The following PDE10A variants were observed in gnomAD, a reference collection of about 807,000 sequenced individuals.
PDE10A encodes cAMP and cAMP-inhibited cGMP 3',5'-cyclic phosphodiesterase 10A.
A neutral mutation model predicts 97.7 loss-of-function variants in PDE10A; 39 were observed. The observed-to-expected ratio is 0.40, with a 90% CI of 0.31 to 0.52. The LOEUF (loss-of-function observed/expected upper bound fraction) is 0.52, where lower values mean the gene tolerates loss of function less well. Ranked by LOEUF, PDE10A falls within the 20% of genes least tolerant of loss-of-function variation. The pLI, the probability that PDE10A is intolerant of heterozygous loss-of-function variation, is 0.56. For missense variants in PDE10A, 731 were observed against 1,047.8 expected (o/e 0.70, Z 4.17); for synonymous variants, 371 against 376.8 (o/e 0.98, Z 0.18).
chr6:165,916,190 G>T (rs1173476797), intron 1 of PDE10A, among the ~76,000 whole-genome samples: 1 of 152,236 alleles, frequency 6.6e-6, no homozygotes, highest in Non-Finnish European at 1.5e-5. Flanking sequence ...ACTGATGCCA[G>T]TTCCTAATTT....
intron 2 of PDE10A, among the ~76,000 whole-genome samples, chr6:165,498,773 C>T (rs1303377925): frequency 6.6e-6 from 1 of 152,176 alleles, no homozygotes; most frequent in Non-Finnish European, 1.5e-5. Flanking sequence ...AAGTTCCTAG[C>T]TGTCTGCAAA....
intron 1 of PDE10A, among the ~76,000 whole-genome samples, chr6:165,675,947 G>A (rs1440243534): frequency 1.3e-5 from 2 of 152,144 alleles, no homozygotes; most frequent in South Asian, 2.1e-4. Flanking sequence ...TATGTTTATT[G>A]CAGGACTATT....
At chr6:165,694,369 A>T (rs1259722528) in intron 1 of PDE10A, among the ~76,000 whole-genome samples, 1 of 152,238 alleles carries the variant, frequency 6.6e-6, no homozygotes, top group Non-Finnish European at 1.5e-5. Context: ...CTGTAACTGA[A>T]GTGGGCTGCG....
intron 18 of PDE10A, among the ~76,000 whole-genome samples, chr6:165,374,496 G>A (rs1013390721): frequency 4.6e-5 from 7 of 151,802 alleles, no homozygotes; most frequent in Admixed American, 1.3e-4. Flanking sequence ...CAAAGTATAA[G>A]CAAAATTTAT....
chr6:165,475,442 G>A (rs890273698), intron 3 of PDE10A, among the ~76,000 whole-genome samples: 2 of 152,146 alleles, frequency 1.3e-5, no homozygotes, highest in Non-Finnish European at 2.9e-5. Flanking sequence ...GAGAAAAGCT[G>A]AATTAGTGAA....
intron 18 of PDE10A, among the ~76,000 whole-genome samples, chr6:165,355,247 C>T (rs1782953099): frequency 6.6e-6 from 1 of 152,132 alleles, no homozygotes; most frequent in Admixed American, 6.5e-5. Context: ...GAATGAAATG[C>T]ATAAATTTGA....
chr6:165,411,311 C>T (rs1233520653), intron 13 of PDE10A, among the ~76,000 whole-genome samples: 1 of 151,842 alleles, frequency 6.6e-6, no homozygotes, highest in African/African-American at 2.4e-5. Context: ...TAGAATGCAG[C>T]TGTATTTAGA....
chr6:165,930,178 G>A (rs190941448), intron 1 of PDE10A, among the ~76,000 whole-genome samples: 2 of 152,336 alleles, frequency 1.3e-5, no homozygotes, highest in Admixed American at 1.3e-4. Flanking sequence ...CAGGTGGGAA[G>A]GTTCACAGAT....
intron 1 of PDE10A, among the ~76,000 whole-genome samples, chr6:165,813,059 C>T (rs576014140): frequency 1.4e-3 from 217 of 152,222 alleles, no homozygotes; most frequent in African/African-American, 4.7e-3. Flanking sequence ...TGCAAAGTAG[C>T]GGTAGGCAGT....
At chr6:165,365,953 T>C (rs983116725) in intron 18 of PDE10A, among the ~76,000 whole-genome samples, 23 of 152,130 alleles carry the variant, frequency 1.5e-4, no homozygotes, top group Admixed American at 6.5e-5. Flanking sequence ...GAAAATTTTA[T>C]TTCCTCAGCC....
At chr6:165,664,557 G>T (rs943434251), upstream of PDE10A, among the ~76,000 whole-genome samples, 1 of 152,160 alleles carries the variant, frequency 6.6e-6, no homozygotes, top group Admixed American at 6.5e-5. Flanking sequence ...AGAAGAAAAT[G>T]ATTCCTGTGA....
At chr6:165,751,869 G>T (rs1186213395) in intron 1 of PDE10A, among the ~76,000 whole-genome samples, 1 of 152,050 alleles carries the variant, frequency 6.6e-6, no homozygotes, top group East Asian at 1.9e-4. Flanking sequence ...GCCAGGCACG[G>T]TGGCTCATGC....
chr6:165,795,781 A>T (rs1161207064), intron 1 of PDE10A, among the ~76,000 whole-genome samples: 1 of 152,030 alleles, frequency 6.6e-6, no homozygotes, highest in East Asian at 1.9e-4. Context: ...CTCGCAACTT[A>T]ATGTAGTGGC....
At chr6:165,389,486 C>G (rs1785532175) in intron 16 of PDE10A, among the ~76,000 whole-genome samples, 1 of 152,046 alleles carries the variant, frequency 6.6e-6, no homozygotes, top group African/African-American at 2.4e-5. Context: ...GAGGAGGGGT[C>G]AAGTATGACC....
chr6:165,388,058 C>T lies in PDE10A; in HGVS notation c.2610+240G>A, dbSNP rs1785428360. Among the ~76,000 whole-genome samples the T allele has an allele frequency of 6.6e-6, 1 of 152,062 alleles. No individual in the cohort carries two copies. The highest frequency in any genetic ancestry group is 6.5e-5 in the Admixed American group (1 of 15,272). Reference sequence around the variant, plus strand: ...ATTGCTTTAGGGTTACAGGTACTTACTGATATAATGTTTAAAAAACAAATG... The same window carrying T: ...ATTGCTTTAGGGTTACAGGTACTTATTGATATAATGTTTAAAAAACAAATG... On this transcript the variant is annotated intron_variant, in intron 17 of 21. Transcript: ENST00000539869. The surrounding 1 kb of genome is among the most constrained non-coding windows in gnomAD (Gnocchi z 4.0).
intron 1 of PDE10A, among the ~76,000 whole-genome samples, chr6:165,705,005 C>T (rs1367964964): frequency 1.3e-5 from 2 of 152,258 alleles, no homozygotes; most frequent in Non-Finnish European, 2.9e-5. Flanking sequence ...CACTGCAGAC[C>T]CTGCTGTCCC....
At chr6:165,438,426 G>A (rs975940235) in intron 5 of PDE10A, among the ~76,000 whole-genome samples, 3 of 152,148 alleles carry the variant, frequency 2.0e-5, no homozygotes, top group Non-Finnish European at 4.4e-5. Flanking sequence ...GACCTCAGGT[G>A]ATCCACCCGC....
intron 1 of PDE10A, among the ~76,000 whole-genome samples, chr6:165,778,568 C>G (rs1218186898): frequency 1.3e-5 from 2 of 152,142 alleles, no homozygotes; most frequent in Non-Finnish European, 2.9e-5. Context: ...AATGAACACG[C>G]CTAAGAGTGG....
intron 1 of PDE10A, among the ~76,000 whole-genome samples, chr6:165,765,948 G>A (rs1369242594): frequency 2.0e-5 from 3 of 152,204 alleles, no homozygotes; most frequent in Non-Finnish European, 2.9e-5. Flanking sequence ...TCCATTTCTA[G>A]CTTCTAAAAA....
Sources: gnomAD v4.1 joint callset for allele counts (sites outside exome capture counted in the v4.1 genomes callset) on GRCh38, gnomAD v4.1.1 for gene constraint, Gnocchi (gnomAD v3.1) non-coding constraint, MANE v1.5 for transcripts, NCBI Gene and HGNC (gene_info 2026-07-23, HGNC 2026-07-21) for gene names.